DNAJC11: variants seen among roughly 807,000 people sequenced by gnomAD.
DNAJC11 encodes the protein dnaJ homolog subfamily C member 11.
DNAJC11 carries 15 observed loss-of-function variants against 78.6 expected under a neutral mutation model. The observed-to-expected ratio is 0.19, with a 90% CI of 0.13 to 0.29. The LOEUF (loss-of-function observed/expected upper bound fraction) is 0.29. Among genes scored for constraint, DNAJC11 ranks in the 10% least tolerant of loss-of-function variants. The pLI is 1.00. For missense variants in DNAJC11, 547 were observed against 709.6 expected (o/e 0.77, Z 2.60); for synonymous variants, 292 against 272.1 (o/e 1.07, Z -0.72).
rs1000651434 is a variant in DNAJC11, at chr1:6,638,322, C to T, written c.1296G>A (p.Leu432=). The T allele has an allele frequency of 1.9e-6, 3 of 1,613,602 alleles. No individual in the cohort carries two copies. The highest frequency in any genetic ancestry group is 1.1e-5 in the South Asian group (1 of 91,036). ...CGGACTCCGCCTCTTGCTTCTTCTGCAGCACATCGGTGGCGGCGCTTTCCC... is the reference window on the plus strand; with the variant it reads ...CGGACTCCGCCTCTTGCTTCTTCTGTAGCACATCGGTGGCGGCGCTTTCCC... ...KQRESAATDV[L]QKKQEAESAV... The change falls in exon 12 of 16, where the codon CTG becomes CTA. Residue 432 remains leucine (L), a synonymous_variant. Coordinates refer to ENST00000377577, the MANE Select transcript of DNAJC11 (RefSeq NM_018198.4).
chr1:6,695,485 A>G (rs1642819798), intron 1 of DNAJC11, among the ~76,000 whole-genome samples: 1 of 151,912 alleles, frequency 6.6e-6, no homozygotes, highest in Non-Finnish European at 1.5e-5. Context: ...CCTGTTACCT[A>G]CATTCTAACA....
intron 7 of DNAJC11, among the ~76,000 whole-genome samples, chr1:6,646,462 A>G (rs546761923): frequency 5.9e-5 from 9 of 152,246 alleles, no homozygotes; most frequent in African/African-American, 2.2e-4. Flanking sequence ...AAGTGTCCCA[A>G]TGATTCCAAT....
In DNAJC11 at chr1:6,639,820, C is replaced by T. The variant is rs1641846458; in HGVS notation, c.1253+82G>A. 1.0e-5 allele frequency: 15 copies of T among 1,464,162 alleles called. No homozygotes were observed. In the South Asian group the frequency reaches 1.9e-4, roughly 19 times the overall value. 90.7% of individuals were successfully genotyped at this position (1,464,162 alleles called of 1,614,324 possible). On this transcript the variant is annotated intron_variant, in intron 11 of 15. Coordinates refer to ENST00000377577, the MANE Select transcript of DNAJC11 (RefSeq NM_018198.4). ...TTTCCTCATCACCCGACGCAGGAGGCTCTGTTATCCTCTCCATTTTAAGGG... is the reference window on the plus strand; with the variant it reads ...TTTCCTCATCACCCGACGCAGGAGGTTCTGTTATCCTCTCCATTTTAAGGG...
In DNAJC11 at chr1:6,637,289, C is replaced by T. The variant is rs765345795; in HGVS notation, c.1433G>A (p.Arg478Lys). 3 of 1,614,082 alleles carry T rather than the reference C, an allele frequency of 1.9e-6. No individual in the cohort carries two copies. The highest frequency in any genetic ancestry group is 2.5e-6 in the Non-Finnish European group (3 of 1,180,046). Residue 478 changes from arginine to lysine, a missense_variant, in exon 14 of 16, where the codon AGG becomes AAG. By Grantham distance (26) the Arg-to-Lys change is conservative. Coordinates refer to ENST00000377577, the MANE Select transcript of DNAJC11 (RefSeq NM_018198.4). Reference sequence around the variant, plus strand: ...AATCACCTTCACCTTCTCGCTCTTCCTGCTCTTGTCATTGACAAACTTCCC... The same window carrying T: ...AATCACCTTCACCTTCTCGCTCTTCTTGCTCTTGTCATTGACAAACTTCCC... The part of the protein sequence containing the change: ...WYGKFVNDKS[R>K]KSEKVKVIDV...
Position 6,635,629 on chromosome 1 carries a change from A to T in DNAJC11, c.*46T>A, listed in dbSNP as rs552719492. ...TTCATTTCCAAATTTGTAGACTCCC[A>T]GGAAAAGATTTTTTGCGGCCTTTTA... is the stretch of plus-strand genomic sequence containing the variant. On this transcript the variant is annotated 3_prime_UTR_variant, in exon 16 of 16. Coordinates refer to ENST00000377577, the MANE Select transcript of DNAJC11 (RefSeq NM_018198.4). 1 of 1,609,336 alleles carries T rather than the reference A, an allele frequency of 6.2e-7. No homozygotes were observed. Among genetic ancestry groups the T allele is most frequent in the East Asian group, 2.2e-5 (1 of 44,878 alleles).
intron 7 of DNAJC11, among the ~76,000 whole-genome samples, chr1:6,647,517 T>G (rs1271113071): frequency 6.6e-6 from 1 of 152,098 alleles, no homozygotes; most frequent in Non-Finnish European, 1.5e-5. Flanking sequence ...GGCCACTATA[T>G]ATTAAGAAAC....
At position 6,689,246 on chromosome 1, in the gene DNAJC11, G is replaced by A. The variant is rs114917418; in HGVS notation, c.73-8209C>T. ...AAGGAAACAGCAGCAGAAATTCAAGGCTGAGGTTGTGCGGCCAGCAGCCTG... is the reference window on the plus strand; with the variant it reads ...AAGGAAACAGCAGCAGAAATTCAAGACTGAGGTTGTGCGGCCAGCAGCCTG... On this transcript the variant is annotated intron_variant, in intron 1 of 15. Coordinates refer to ENST00000377577, the MANE Select transcript of DNAJC11 (RefSeq NM_018198.4). Among the ~76,000 whole-genome samples, 772 of 152,318 alleles carry A rather than the reference G, an allele frequency of 5.1e-3. 8 individuals are homozygous for A. The highest frequency in any genetic ancestry group is 0.017 in the African/African-American group (720 of 41,556).
chr1:6,682,924 T>C (rs1642577320), intron 1 of DNAJC11, among the ~76,000 whole-genome samples: 1 of 152,020 alleles, frequency 6.6e-6, no homozygotes, highest in African/African-American at 2.4e-5. Context: ...GAAAAAAAAC[T>C]AGCTAGACCC....
In DNAJC11 at chr1:6,645,821, T is replaced by C. The variant is rs1175729655; in HGVS notation, c.862A>G (p.Thr288Ala). ...GCCACAGTGAAGTGGCTGGTTTTAG[T>C]GTCTCGGACGATGCTAGTGTTCATG... ...SAMNTSIVRD[T>A]KTSHFTVALQ... is the part of the protein sequence containing the mutation. Residue 288 changes from threonine (T) to alanine (A), a missense_variant, in exon 8 of 16, where the codon ACT becomes GCT. Coordinates refer to ENST00000377577, the MANE Select transcript of DNAJC11 (RefSeq NM_018198.4). The surrounding 1 kb of genome is among the most constrained non-coding windows in gnomAD (Gnocchi z 4.1). 1.2e-6 allele frequency: 2 copies of C among 1,614,068 alleles called. No homozygotes were observed. Among genetic ancestry groups the C allele is most frequent in the African/African-American group, 2.7e-5 (2 of 74,926 alleles).
At chr1:6,650,539 C>T (rs2148732466) in intron 7 of DNAJC11, among the ~76,000 whole-genome samples, 1 of 152,158 alleles carries the variant, frequency 6.6e-6, no homozygotes, top group Middle Eastern at 3.4e-3. Flanking sequence ...GCACTCTAGC[C>T]TAGGCAACAG....
At chr1:6,683,767 T>C (rs1038342941) in intron 1 of DNAJC11, among the ~76,000 whole-genome samples, 7 of 152,256 alleles carry the variant, frequency 4.6e-5, no homozygotes, top group Admixed American at 1.3e-4. Context: ...TGAAAATTCA[T>C]TGTGCTGTAT....
chr1:6,640,071 C>CAAAAAAAAAAAAAAAAA lies in DNAJC11; in HGVS notation c.1098-31_1098-15dup, dbSNP rs56145914. On this transcript the variant is annotated splice_polypyrimidine_tract_variant and intron_variant, in intron 10 of 15. Transcript: ENST00000377577. ...GCCCTGTTGAGCCTGGGGAAAAATA[C>CAAAAAAAAAAAAAAAAA]AAAAAAAAAAAAAAAAAAGCCAAGA... 9.5e-7 allele frequency: 1 copy of CAAAAAAAAAAAAAAAAA among 1,047,620 alleles called. No individual in the cohort carries two copies. 64.9% of individuals were successfully genotyped at this position (1,047,620 alleles called of 1,614,324 possible). A position where few individuals can be genotyped will look rare whatever the true frequency, so the allele number is the denominator to read the frequency against.
intron 3 of DNAJC11, among the ~76,000 whole-genome samples, chr1:6,669,668 A>T (rs1019396523): frequency 1.3e-5 from 2 of 152,226 alleles, no homozygotes; most frequent in Non-Finnish European, 2.9e-5. Context: ...GGCCACCGTG[A>T]AAGAGGCAAC....
chr1:6,639,186 TTG>T (rs1046736981), intron 11 of DNAJC11, among the ~76,000 whole-genome samples: 10 of 150,044 alleles, frequency 6.7e-5, no homozygotes, highest in African/African-American at 2.0e-4. Flanking sequence ...TGCAAAAACG[TTG>T]TGTTTCTGTG....
At chr1:6,643,527 G>T (rs953624363) in intron 10 of DNAJC11, among the ~76,000 whole-genome samples, 5 of 152,140 alleles carry the variant, frequency 3.3e-5, no homozygotes, top group Non-Finnish European at 4.4e-5. Context: ...TGCCCGCCTT[G>T]GCCTCCCAAA....
chr1:6,671,298 A>G (rs1212503524), intron 3 of DNAJC11, among the ~76,000 whole-genome samples: 1 of 152,200 alleles, frequency 6.6e-6, no homozygotes, highest in Non-Finnish European at 1.5e-5. Flanking sequence ...GCTGGAGTGT[A>G]GTGGTGCGAT....
chr1:6,670,845 T>C (rs3789573), intron 3 of DNAJC11: 44,995 of 151,992 alleles, frequency 0.3, 7,239 homozygotes, highest in South Asian at 0.47. Flanking sequence ...CATCCTGACA[T>C]AGACAAAAGC....
intron 7 of DNAJC11, among the ~76,000 whole-genome samples, chr1:6,649,382 G>A (rs1468707323): frequency 1.3e-5 from 2 of 152,114 alleles, no homozygotes; most frequent in Non-Finnish European, 2.9e-5. Flanking sequence ...TGTTAGCCAG[G>A]ATGGTCTCGA....
At position 6,680,966 on chromosome 1, in the gene DNAJC11, G is replaced by C; in HGVS notation, c.144C>G (p.Asp48Glu). The C allele has an allele frequency of 1.2e-6, 2 of 1,614,126 alleles. No homozygotes were observed. The highest frequency in any genetic ancestry group is 1.7e-6 in the Non-Finnish European group (2 of 1,180,010). The change falls in exon 2 of 16, where the codon GAC becomes GAG. Residue 48 changes from aspartate (D) to glutamate (E), a missense_variant. Coordinates refer to ENST00000377577, the MANE Select transcript of DNAJC11 (RefSeq NM_018198.4). The surrounding 1 kb of genome is among the most constrained non-coding windows in gnomAD (Gnocchi z 4.0). ...CMLYHPDKHR[D>E]PELKSQAERL... ...GTTCCGCCTGTGACTTGAGCTCTGG[G>C]TCTCTGTGCTTGTCTGGATGGTAGA...
Sources: gnomAD v4.1 joint callset for allele counts (sites outside exome capture counted in the v4.1 genomes callset) on GRCh38, gnomAD v4.1.1 for gene constraint, Gnocchi (gnomAD v3.1) non-coding constraint, MANE v1.5 for transcripts, NCBI Gene and HGNC (gene_info 2026-07-23, HGNC 2026-07-21) for gene names.